PDE1A: variants seen among roughly 807,000 people sequenced by gnomAD.
The protein encoded by PDE1A is phosphodiesterase 1A.
In PDE1A, 35 loss-of-function variants were observed where a neutral mutation model predicts 61.7. The ratio of observed to expected loss-of-function variants is 0.57; its 90% CI spans 0.43 to 0.75. The LOEUF (loss-of-function observed/expected upper bound fraction) is 0.75. Among genes scored for constraint, PDE1A ranks in the 30% least tolerant of loss-of-function variants. The pLI is 0.00. For synonymous variants in PDE1A, 232 were observed against 213.2 expected (o/e 1.09, Z -0.77); for missense variants, 597 against 630.6 (o/e 0.95, Z 0.57).
intron 13 of PDE1A, among the ~76,000 whole-genome samples, chr2:182,184,693 ATGTG>A (rs1685063088): frequency 6.6e-6 from 1 of 152,174 alleles, no homozygotes; most frequent in South Asian, 2.1e-4. Flanking sequence ...GCATATACGA[ATGTG>A]TGTGTCTGCC....
At chr2:182,370,511 T>C (rs1700072556) in intron 1 of PDE1A, among the ~76,000 whole-genome samples, 1 of 152,200 alleles carries the variant, frequency 6.6e-6, no homozygotes, top group African/African-American at 2.4e-5. Flanking sequence ...CAGGCAATTT[T>C]TCTTAAGCAC....
At chr2:182,591,407 A>G in the PDE1A span, among the ~76,000 whole-genome samples, 2 of 152,236 alleles carry the variant, frequency 1.3e-5, no homozygotes, top group African/African-American at 4.8e-5. Flanking sequence ...GAATTGCAGC[A>G]GTATTCTGGC....
chr2:182,456,241 G>A (rs1022826332), intron 2 of PDE1A, among the ~76,000 whole-genome samples: 5 of 151,844 alleles, frequency 3.3e-5, no homozygotes, highest in Non-Finnish European at 7.4e-5. Flanking sequence ...GCAAACAATC[G>A]GCCCCCCTTC....
At chr2:182,224,019 T>C (rs556773749) in intron 6 of PDE1A, 55 bp from the exon 7 acceptor site, 1 of 1,246,870 alleles carries the variant, frequency 8.0e-7, no homozygotes, top group South Asian at 1.3e-5. Context: ...ACATCTTTCC[T>C]TTCTTTGAAA....
chr2:182,533,296 G>A, the PDE1A span, among the ~76,000 whole-genome samples: 2 of 152,190 alleles, frequency 1.3e-5, no homozygotes, highest in African/African-American at 4.8e-5. Context: ...GGGTGACAGA[G>A]CGAGACCCTG....
intron 13 of PDE1A, among the ~76,000 whole-genome samples, chr2:182,156,340 AT>A (rs1488595637): frequency 4.6e-5 from 7 of 152,090 alleles, no homozygotes; most frequent in Admixed American, 1.3e-4. Flanking sequence ...TTATCATCTT[AT>A]CCTTTCAACA....
chr2:182,533,595 G>A, the PDE1A span, among the ~76,000 whole-genome samples: 1 of 152,194 alleles, frequency 6.6e-6, no homozygotes, highest in Admixed American at 6.5e-5. Context: ...GAGACTTGAA[G>A]TTGAAAAATC....
chr2:182,537,620 A>G, the PDE1A span, among the ~76,000 whole-genome samples: 1 of 152,146 alleles, frequency 6.6e-6, no homozygotes, highest in Non-Finnish European at 1.5e-5. Context: ...CACGTTATGC[A>G]CGTGTATTCC....
At chr2:182,679,542 T>C in the PDE1A span, among the ~76,000 whole-genome samples, 3 of 152,072 alleles carry the variant, frequency 2.0e-5, no homozygotes, top group East Asian at 1.9e-4. Context: ...TATACATGTA[T>C]TGAAACATCA....
chr2:182,529,292 A>G, the PDE1A span, among the ~76,000 whole-genome samples: 900 of 152,340 alleles, frequency 5.9e-3, 5 homozygotes, highest in Non-Finnish European at 8.9e-3. Context: ...AAAGGAGATC[A>G]TTTTGGAGCT....
chr2:182,613,290 G>A, the PDE1A span, among the ~76,000 whole-genome samples: 1 of 152,082 alleles, frequency 6.6e-6, no homozygotes, highest in Admixed American at 6.5e-5. Context: ...GGCCGGGCAC[G>A]GTGGCTCACG....
intron 1 of PDE1A, among the ~76,000 whole-genome samples, chr2:182,321,530 G>T (rs1248420500): frequency 6.6e-6 from 1 of 151,986 alleles, no homozygotes; most frequent in East Asian, 1.9e-4. Context: ...AATACAATCG[G>T]TATCCTCCTA....
At chr2:182,610,625 CTTTTA>C in the PDE1A span, among the ~76,000 whole-genome samples, 1 of 151,930 alleles carries the variant, frequency 6.6e-6, no homozygotes, top group Admixed American at 6.5e-5. Flanking sequence ...AGTTGAAAAT[CTTTTA>C]TTTAAATCAG....
At chr2:182,619,925 A>G in the PDE1A span, among the ~76,000 whole-genome samples, 1 of 152,196 alleles carries the variant, frequency 6.6e-6, no homozygotes, top group Non-Finnish European at 1.5e-5. Context: ...ACTGGGGAGC[A>G]AGAGAGAACT....
intron 2 of PDE1A, among the ~76,000 whole-genome samples, chr2:182,488,855 A>T (rs7601804): frequency 0.41 from 62,480 of 152,006 alleles, 13,335 homozygotes; most frequent in African/African-American, 0.51. Context: ...CAGTCAACGA[A>T]AAACAGTGGA....
the PDE1A span, among the ~76,000 whole-genome samples, chr2:182,623,986 G>A: frequency 4.5e-4 from 69 of 151,792 alleles, no homozygotes; most frequent in East Asian, 8.8e-3. Flanking sequence ...TTAGCCGGGC[G>A]TAGTGGCGGG....
At chr2:182,503,021 C>CTCTCT (rs375711407) in intron 2 of PDE1A, among the ~76,000 whole-genome samples, 1 of 149,902 alleles carries the variant, frequency 6.7e-6, no homozygotes, top group African/African-American at 2.5e-5. Context: ...CTCTCTCTCT[C>CTCTCT]CCCCTCCCCA....
At chr2:182,306,001 T>A (rs1695559077) in intron 1 of PDE1A, among the ~76,000 whole-genome samples, 1 of 152,164 alleles carries the variant, frequency 6.6e-6, no homozygotes, top group Non-Finnish European at 1.5e-5. Flanking sequence ...CTTATTTAAC[T>A]AAAACTTTGT....
In PDE1A at chr2:182,352,175, T is replaced by C. The variant is rs528417048; in HGVS notation, c.53+74403A>G. Among the ~76,000 whole-genome samples, 17 of 152,310 alleles carry C rather than the reference T, an allele frequency of 1.1e-4. No homozygotes were observed. The South Asian group carries it at 2.9e-3, about 26-fold the overall frequency. On this transcript the variant is annotated intron_variant, in intron 1 of 13. Coordinates refer to ENST00000351439, the Ensembl canonical transcript of PDE1A. ...TTGAGGGATGAGGTAATGTTTCCCATTGGGACAAAGAGCAGGCTTGCCTAC... is the reference window on the plus strand; with the variant it reads ...TTGAGGGATGAGGTAATGTTTCCCACTGGGACAAAGAGCAGGCTTGCCTAC...
Sources: gnomAD v4.1 joint callset for allele counts (sites outside exome capture counted in the v4.1 genomes callset) on GRCh38, gnomAD v4.1.1 for gene constraint, MANE v1.5 for transcripts, NCBI Gene and HGNC (gene_info 2026-07-23, HGNC 2026-07-21) for gene names.